Variants in MGAM observed in about 807,000 individuals in gnomAD.
MGAM encodes maltase-glucoamylase.
Under a neutral mutation model 358.8 loss-of-function variants are expected in MGAM, and 253 were observed. The ratio of observed to expected loss-of-function variants is 0.71; its 90% confidence interval spans 0.64 to 0.78. The LOEUF is 0.78. Ranked by LOEUF, MGAM falls within the 30% of genes least tolerant of loss-of-function variation. MGAM has a pLI of 0.00. For missense variants in MGAM, 3,080 were observed against 3,432.6 expected, an observed-to-expected ratio of 0.90 and a Z score of 2.57; for synonymous variants, 1,105 against 1,227.1, an observed-to-expected ratio of 0.90 and a Z score of 2.08.
At position 142,054,740 on chromosome 7, in the gene MGAM, T is replaced by G. The variant is rs1298796024; in HGVS notation, c.3160-14T>G. 1 of 1,613,080 alleles carries G rather than the reference T, an allele frequency of 6.2e-7. No individual in the cohort carries two copies. ...AGTAGTATTGTTGCCTAAAATTGAT[T>G]TCCTCTGGCCTAGATTTATGATCCC... On this transcript the variant is annotated splice_polypyrimidine_tract_variant and intron_variant, in intron 26 of 70. Transcript: ENST00000475668.
In MGAM at chr7:142,030,762, C is replaced by T. The variant is rs1807409945; in HGVS notation, c.1470+5C>T. The stretch of plus-strand genomic sequence containing the variant: ...GTGACTCCACTCATTGGGGAGGTAA[C>T]TTAATGGGAAGGCTGGAGGCTGGTG... On this transcript the variant is annotated splice_donor_5th_base_variant and intron_variant, in intron 12 of 70. Transcript: ENST00000475668. 1 of 1,582,432 alleles carries T rather than the reference C, an allele frequency of 6.3e-7. No individual in the cohort carries two copies. Among genetic ancestry groups the T allele is most frequent in the African/African-American group, 1.3e-5 (1 of 74,200 alleles).
At chr7:141,995,538 G>A (rs761005382), upstream of MGAM, among the ~76,000 whole-genome samples, 25 of 152,126 alleles carry the variant, frequency 1.6e-4, no homozygotes, top group Non-Finnish European at 2.8e-4. Flanking sequence ...AAGAGACCAG[G>A]GCTCTTTTGG....
intron 6 of MGAM, 54 bp downstream of exon 6, chr7:142,021,791 T>G: frequency 1.3e-6 from 2 of 1,577,586 alleles, no homozygotes; most frequent in African/African-American, 1.3e-5. Context: ...CAGGGAGGTC[T>G]GTAAGCATGA....
rs745498224 is a variant in MGAM at position 142,060,332 on chromosome 7, G to A, written c.4081G>A (p.Val1361Ile). Residue 1361 changes from valine (V) to isoleucine (I), a missense_variant, in exon 34 of 71, where the codon GTT becomes ATT. Transcript: ENST00000475668. ...WGKVWPDFPDVVVNGSLDWDS... is the reference protein window; with the variant it reads ...WGKVWPDFPDIVVNGSLDWDS... ...ATAGGTCTGGCCTGATTTTCCTGAT[G>A]TTGTTGTGAATGGGTCTCTAGACTG... The A allele has an allele frequency of 1.2e-6, 2 of 1,613,928 alleles. No homozygotes were observed. Among genetic ancestry groups the A allele is most frequent in the African/African-American group, 1.3e-5 (1 of 74,964 alleles).
chr7:142,042,026 T>TG, intron 21 of MGAM, among the ~76,000 whole-genome samples: 1 of 22,096 alleles, frequency 4.5e-5, no homozygotes, highest in Non-Finnish European at 6.6e-5. Flanking sequence ...TATATATATA[T>TG]TATATTATAT....
At chr7:142,002,932 G>A (rs1285941) in intron 1 of MGAM, among the ~76,000 whole-genome samples, 77,335 of 151,694 alleles carry the variant, frequency 0.51, 19,942 homozygotes, top group East Asian at 0.68. Context: ...CCATACACCA[G>A]TAACAATCAG....
intron 16 of MGAM, 53 bp downstream of exon 16, chr7:142,034,894 T>C: frequency 6.4e-7 from 1 of 1,551,648 alleles, no homozygotes; most frequent in Non-Finnish European, 8.7e-7. Flanking sequence ...GGCAACCTCA[T>C]TCTAGAAAGT....
At position 142,052,700 on chromosome 7, in the gene MGAM, A is replaced by G. The variant is rs115595263; in HGVS notation, c.2959-84A>G. 4,615 of 1,519,924 alleles carry G rather than the reference A, an allele frequency of 3.0e-3. 104 individuals are homozygous for G. In the African/African-American group the frequency reaches 0.056, roughly 18 times the overall value. The allele number at this position is 1,519,924 out of a possible 1,614,324, so 94.2% of individuals were successfully genotyped here. On this transcript the variant is annotated intron_variant, in intron 25 of 70. Coordinates refer to ENST00000475668, the MANE Select transcript of MGAM (RefSeq NM_001365693.1). ...GATGGGCTAGTTTTATCGTCATATA[A>G]AATGACTTTACTAACCCTGTTTAGG...
intron 1 of MGAM, among the ~76,000 whole-genome samples, chr7:142,004,789 A>C (rs1554451799): frequency 6.6e-6 from 1 of 152,070 alleles, no homozygotes; most frequent in African/African-American, 2.4e-5. Flanking sequence ...GAAAACTGAG[A>C]ATGAGAAAGC....
chr7:141,991,654 C>A, upstream of MGAM, among the ~76,000 whole-genome samples: 1 of 152,088 alleles, frequency 6.6e-6, no homozygotes, highest in East Asian at 1.9e-4. Flanking sequence ...TCAGGCTGAT[C>A]TCAAACTCCT....
rs187922517 is a variant in MGAM at position 142,083,378 on chromosome 7, C to A, written c.6346C>A (p.Pro2116Thr). 2.5e-3 allele frequency: 3,880 copies of A among 1,552,946 alleles called. 631 individuals carry two copies. The highest frequency in any genetic ancestry group is 5.8e-4 in the Non-Finnish European group (657 of 1,130,734). Residue 2116 changes from proline to threonine, a missense_variant, in exon 53 of 71, where the codon CCA becomes ACA. Pro to Thr is a conservative substitution (Grantham distance 38). Transcript: ENST00000475668. ...TCTGGACTTTTATGTGTTCTTGGGG[C>A]CAACTCCAGAGCTTGTCACCCAGCA... ...GVLDFYVFLG[P>T]TPELVTQQYT...
At chr7:142,050,109 C>A in intron 22 of MGAM, 126 bp from the exon 23 acceptor site, 1 of 799,110 alleles carries the variant, frequency 1.3e-6, no homozygotes, top group African/African-American at 1.7e-5. Flanking sequence ...GAAAATTATT[C>A]ATCCATAAGG....
chr7:142,034,927 C>G, intron 16 of MGAM, 86 bp downstream of exon 16: 1 of 1,313,078 alleles, frequency 7.6e-7, no homozygotes, highest in Non-Finnish European at 1.1e-6. Context: ...AAGCTCCCCT[C>G]TCCTGCCTGC....
At chr7:141,987,072 TAGC>T (rs1803742188) in intron 2 of MGAM, among the ~76,000 whole-genome samples, 3 of 152,194 alleles carry the variant, frequency 2.0e-5, no homozygotes, top group Admixed American at 2.0e-4. Flanking sequence ...GAGCCTGTCA[TAGC>T]AGGGCTAGCA....
In MGAM at chr7:142,082,184, A is replaced by G. The variant is rs772070814; in HGVS notation, c.6145A>G (p.Met2049Val). The change falls in exon 51 of 71, where the codon ATG becomes GTG. Residue 2049 changes from methionine to valine, a missense_variant. Around this residue, in one of 5 missense-constraint regions of MGAM, gnomAD observed 932 missense variants for 1,198.2 expected, o/e 0.78. Coordinates refer to ENST00000475668, the MANE Select transcript of MGAM (RefSeq NM_001365693.1). Reference protein sequence around the residue: ...RRDLEWHTWGMFSRDQPPGYK... With the variant: ...RRDLEWHTWGVFSRDQPPGYK... ...AGACTTGGAGTGGCACACTTGGGGG[A>G]TGTTCTCCCGAGACCAGCCCCCAGG... The G allele has an allele frequency of 6.4e-7, 1 of 1,554,074 alleles. No individual in the cohort carries two copies. Among genetic ancestry groups the G allele is most frequent in the Non-Finnish European group, 8.8e-7 (1 of 1,131,932 alleles).
intron 36 of MGAM, 22 bp downstream of exon 36, chr7:142,063,608 G>T: frequency 6.2e-7 from 1 of 1,609,456 alleles, no homozygotes; most frequent in Middle Eastern, 1.7e-4. Flanking sequence ...TGGCCTCCTT[G>T]ACTGGCAGAG....
chr7:142,105,802 G>C lies in MGAM; in HGVS notation c.8185-12G>C, dbSNP rs1047336054. On this transcript the variant is annotated splice_polypyrimidine_tract_variant and intron_variant, in intron 70 of 70. Coordinates refer to ENST00000475668, the MANE Select transcript of MGAM (RefSeq NM_001365693.1). Reference sequence around the variant, plus strand: ...ACCGGATGCCCAATTCTTTTCCTTTGGTTCCTAACAGGTATTAAGCATCGA... The same window carrying C: ...ACCGGATGCCCAATTCTTTTCCTTTCGTTCCTAACAGGTATTAAGCATCGA... The C allele has an allele frequency of 6.2e-7, 1 of 1,607,310 alleles. No individual in the cohort carries two copies. Among genetic ancestry groups the C allele is most frequent in the African/African-American group, 1.3e-5 (1 of 74,760 alleles).
chr7:142,060,362 A>C lies in MGAM; in HGVS notation c.4111A>C (p.Ser1371Arg), dbSNP rs774876509. ...TGTGAATGGGTCTCTAGACTGGGAC[A>C]GCCAAGTGGAGGTAAAAGGGTGTTT... is the stretch of plus-strand genomic sequence containing the variant. ...VVVNGSLDWD[S>R]QVELYRAYVA... Residue 1371 changes from serine (S) to arginine (R), a missense_variant, in exon 34 of 71, where the codon AGC (serine) becomes CGC (arginine). By Grantham distance (110) the Ser-to-Arg change is moderately radical (BLOSUM62 -1). Coordinates refer to ENST00000475668, the MANE Select transcript of MGAM (RefSeq NM_001365693.1). 5 of 1,614,066 alleles carry C rather than the reference A, an allele frequency of 3.1e-6. No homozygotes were observed. The highest frequency in any genetic ancestry group is 4.2e-6 in the Non-Finnish European group (5 of 1,179,882).
At chr7:142,080,664 A>C in intron 49 of MGAM, 127 bp from the exon 50 acceptor site, 2 of 864,824 alleles carry the variant, frequency 2.3e-6, no homozygotes, top group Non-Finnish European at 1.7e-6. Flanking sequence ...TAAATCTCAG[A>C]CATCATAAAC....
Sources: gnomAD v4.1 joint callset for allele counts (sites outside exome capture counted in the v4.1 genomes callset) on GRCh38, gnomAD v4.1.1 for gene constraint, gnomAD v4.1.1 regional missense constraint, MANE v1.5 for transcripts, NCBI Gene and HGNC (gene_info 2026-07-23, HGNC 2026-07-21) for gene names.